Variants in HS6ST3 observed in about 807,000 individuals in gnomAD.
The protein encoded by HS6ST3 is heparan sulfate 6-O-sulfotransferase 3.
A neutral mutation model predicts 36.7 loss-of-function variants in HS6ST3; 12 were observed. That is an observed-to-expected ratio of 0.33 (90% CI 0.21 to 0.53). HS6ST3 has a LOEUF of 0.53. Ranked by LOEUF, HS6ST3 falls within the 20% of genes least tolerant of loss-of-function variation. The pLI is 0.95. For missense variants in HS6ST3, 584 were observed against 640.9 expected, an observed-to-expected ratio of 0.91 and a Z score of 0.96; for synonymous variants, 240 against 257.5, an observed-to-expected ratio of 0.93 and a Z score of 0.65.
chr13:96,350,838 G>T (rs578080682), intron 1 of HS6ST3, among the ~76,000 whole-genome samples: 1 of 152,274 alleles, frequency 6.6e-6, no homozygotes, highest in African/African-American at 2.4e-5. Flanking sequence ...ATCAGTTACA[G>T]TGTAGCTTTC....
At chr13:96,783,540 C>G (rs1002732023) in intron 1 of HS6ST3, among the ~76,000 whole-genome samples, 2 of 151,694 alleles carry the variant, frequency 1.3e-5, no homozygotes, top group Non-Finnish European at 2.9e-5. Flanking sequence ...CTCTCCCCTC[C>G]TCAACTATGG....
intron 1 of HS6ST3, among the ~76,000 whole-genome samples, chr13:96,136,429 C>T (rs1234398731): frequency 6.6e-6 from 1 of 151,822 alleles, no homozygotes; most frequent in Non-Finnish European, 1.5e-5. Context: ...CATGGTAGGA[C>T]CAGGACCAAG....
chr13:96,740,815 A>G (rs1203680142), intron 1 of HS6ST3, among the ~76,000 whole-genome samples: 2 of 152,166 alleles, frequency 1.3e-5, no homozygotes, highest in Non-Finnish European at 2.9e-5. Flanking sequence ...CTCCTCTTCT[A>G]AGGGGGAGAC....
chr13:96,160,951 T>C (rs1379089595), intron 1 of HS6ST3, among the ~76,000 whole-genome samples: 1 of 152,216 alleles, frequency 6.6e-6, no homozygotes, highest in African/African-American at 2.4e-5. Context: ...TCCTGTTTGC[T>C]ATAATTTAGA....
At chr13:96,491,314 C>G (rs2055944196) in intron 1 of HS6ST3, among the ~76,000 whole-genome samples, 1 of 152,006 alleles carries the variant, frequency 6.6e-6, no homozygotes, top group South Asian at 2.1e-4. Flanking sequence ...GCCACTGTTT[C>G]AGTATTCTGT....
intron 1 of HS6ST3, among the ~76,000 whole-genome samples, chr13:96,173,296 G>C (rs534274389): frequency 6.6e-6 from 1 of 152,230 alleles, no homozygotes; most frequent in South Asian, 2.1e-4. Flanking sequence ...GTTCATGATA[G>C]CACCATTAGC....
chr13:96,802,200 C>A (rs1187665721), intron 1 of HS6ST3, among the ~76,000 whole-genome samples: 1 of 152,062 alleles, frequency 6.6e-6, no homozygotes, highest in African/African-American at 2.4e-5. Context: ...AGCAATGGAC[C>A]CATTGTTAAC....
intron 1 of HS6ST3, among the ~76,000 whole-genome samples, chr13:96,447,417 A>G (rs1594782409): frequency 6.6e-6 from 1 of 152,176 alleles, no homozygotes; most frequent in South Asian, 2.1e-4. Flanking sequence ...TATTTTCGGC[A>G]GATAGTTAGG....
chr13:96,583,204 CTTTTTTTTTTTT>C (rs71292889), intron 1 of HS6ST3, among the ~76,000 whole-genome samples: 30 of 52,932 alleles, frequency 5.7e-4, no homozygotes, highest in East Asian at 2.7e-3. Context: ...TTTTTCTTTT[CTTTTTTTTTTTT>C]TTTTTTTTTT....
intron 1 of HS6ST3, among the ~76,000 whole-genome samples, chr13:96,141,508 G>A (rs1460362416): frequency 6.6e-6 from 1 of 151,984 alleles, no homozygotes; most frequent in African/African-American, 2.4e-5. Flanking sequence ...GCGCCATCAT[G>A]CCCAGCTAAT....
chr13:96,616,300 A>C (rs2056474183), intron 1 of HS6ST3, among the ~76,000 whole-genome samples: 1 of 152,216 alleles, frequency 6.6e-6, no homozygotes, highest in South Asian at 2.1e-4. Flanking sequence ...ATTTATTGTC[A>C]CAAATGGTAC....
intron 1 of HS6ST3, among the ~76,000 whole-genome samples, chr13:96,440,446 A>T (rs1402860290): frequency 2.0e-5 from 3 of 148,840 alleles, no homozygotes; most frequent in African/African-American, 7.5e-5. Context: ...ATTCTGTGAA[A>T]AAAGAAAAGA....
intron 1 of HS6ST3, among the ~76,000 whole-genome samples, chr13:96,556,067 C>T (rs1394439311): frequency 6.6e-6 from 1 of 152,182 alleles, no homozygotes; most frequent in Non-Finnish European, 1.5e-5. Context: ...TGGAAAGTTT[C>T]AGGAAGAGTC....
intron 1 of HS6ST3, among the ~76,000 whole-genome samples, chr13:96,679,089 T>G (rs945771304): frequency 1.3e-5 from 2 of 149,396 alleles, no homozygotes. Context: ...GTGCCTGGGC[T>G]CTGTTCACTG....
chr13:96,709,091 C>T (rs992438370), intron 1 of HS6ST3, among the ~76,000 whole-genome samples: 2 of 152,042 alleles, frequency 1.3e-5, no homozygotes, highest in African/African-American at 4.8e-5. Flanking sequence ...GCAGTTTCTC[C>T]CACGCTGTCT....
intron 1 of HS6ST3, among the ~76,000 whole-genome samples, chr13:96,189,090 A>G (rs192309084): frequency 8.5e-5 from 13 of 152,290 alleles, no homozygotes; most frequent in Admixed American, 2.0e-4. Context: ...ATAATTTTCT[A>G]TAAATAAAAT....
In HS6ST3 at chr13:96,165,552, G is replaced by A. The variant is rs540624741; in HGVS notation, c.707+73983G>A. Among the ~76,000 whole-genome samples the A allele has an allele frequency of 8.5e-5, 13 of 152,314 alleles. 1 individual carries two copies. Among genetic ancestry groups the A allele is most frequent in the African/African-American group, 2.9e-4 (12 of 41,566 alleles). ...CCTAAAATCTTAGTGGCTTGCAACT[G>A]CAGAGATGTAGTAGCTCTTGTTCCT... On this transcript the variant is annotated intron_variant, in intron 1 of 1. Transcript: ENST00000376705.
intron 1 of HS6ST3, among the ~76,000 whole-genome samples, chr13:96,678,440 C>T (rs1278394829): frequency 4.6e-5 from 7 of 151,992 alleles, no homozygotes; most frequent in African/African-American, 7.3e-5. Context: ...TTTGGGAGGC[C>T]GAGGCAGGTG....
chr13:96,238,234 C>A (rs1195552128), intron 1 of HS6ST3, among the ~76,000 whole-genome samples: 1 of 152,014 alleles, frequency 6.6e-6, no homozygotes, highest in East Asian at 1.9e-4. Context: ...TGGCTTTGCC[C>A]TTCTATATAT....
Sources: gnomAD v4.1 joint callset for allele counts (sites outside exome capture counted in the v4.1 genomes callset) on GRCh38, gnomAD v4.1.1 for gene constraint, MANE v1.5 for transcripts, NCBI Gene and HGNC (gene_info 2026-07-23, HGNC 2026-07-21) for gene names.